Variants in MICU2 observed in about 807,000 individuals in gnomAD.
The protein encoded by MICU2 is mitochondrial calcium uptake 2, also known as calcium uptake protein 2, mitochondrial.
Under a neutral mutation model 60.4 loss-of-function variants are expected in MICU2, and 64 were observed. The observed-to-expected ratio is 1.06, with a 90% confidence interval of 0.87 to 1.31. The LOEUF is 1.31. MICU2 is among the 50% of genes most tolerant of loss of function. The probability of loss-of-function intolerance (pLI) is 0.00; values close to 1 mark genes in which losing one functional copy is unlikely to be tolerated. For missense variants in MICU2, 569 were observed against 531.0 expected (o/e 1.07, Z -0.70); for synonymous variants, 201 against 175.0 (o/e 1.15, Z -1.17).
At chr13:21,539,413 G>A (rs1887222138) in intron 3 of MICU2, 36 bp from the exon 4 acceptor site, 1 of 1,581,078 alleles carries the variant, frequency 6.3e-7, no homozygotes, top group African/African-American at 1.4e-5. Flanking sequence ...ACTTCTAAAA[G>A]TTCATTTTCT....
At chr13:21,499,777 G>A (rs564309517) in intron 9 of MICU2, among the ~76,000 whole-genome samples, 96 of 152,008 alleles carry the variant, frequency 6.3e-4, no homozygotes, top group African/African-American at 2.2e-3. Flanking sequence ...ATATCTTCGA[G>A]GATTTCACAC....
At chr13:21,602,188 A>C (rs146349639) in intron 1 of MICU2, among the ~76,000 whole-genome samples, 3 of 151,750 alleles carry the variant, frequency 2.0e-5, no homozygotes, top group Non-Finnish European at 2.9e-5. Flanking sequence ...CTGTGTGGTT[A>C]AAGTGATACT....
At chr13:21,501,891 G>A (rs1466337294) in intron 9 of MICU2, among the ~76,000 whole-genome samples, 2 of 152,134 alleles carry the variant, frequency 1.3e-5, no homozygotes, top group Admixed American at 1.3e-4. Flanking sequence ...AGACCTCTAT[G>A]CGGACAGAGA....
intron 1 of MICU2, among the ~76,000 whole-genome samples, chr13:21,583,605 T>G (rs1888396859): frequency 6.6e-6 from 1 of 152,174 alleles, no homozygotes; most frequent in Admixed American, 6.5e-5. Context: ...CTGTTTCCTG[T>G]TTTTCCTTTG....
chr13:21,550,432 G>A (rs889562438), intron 2 of MICU2, among the ~76,000 whole-genome samples: 2 of 152,124 alleles, frequency 1.3e-5, no homozygotes, highest in African/African-American at 2.4e-5. Flanking sequence ...CAGCTACTTC[G>A]GAGACTGAGA....
At position 21,522,589 on chromosome 13, in the gene MICU2, T is replaced by C; in HGVS notation, c.514+14A>G. ...ATTCCACATGATCTCTGAGAAAAAC[T>C]GTGGGATACTTACTAGTGAGGATTG... On this transcript the variant is annotated intron_variant, in intron 5 of 11. Transcript: ENST00000382374. The C allele has an allele frequency of 6.3e-7, 1 of 1,584,076 alleles. No individual in the cohort carries two copies. The highest frequency in any genetic ancestry group is 8.6e-7 in the Non-Finnish European group (1 of 1,163,854).
intron 1 of MICU2, among the ~76,000 whole-genome samples, chr13:21,589,605 T>C (rs1004000542): frequency 2.0e-5 from 3 of 152,228 alleles, no homozygotes; most frequent in African/African-American, 7.2e-5. Context: ...AACTTCCTCA[T>C]AAAGCAACCT....
intron 1 of MICU2, among the ~76,000 whole-genome samples, chr13:21,572,666 T>C (rs894639181): frequency 6.6e-6 from 1 of 152,232 alleles, no homozygotes; most frequent in Non-Finnish European, 1.5e-5. Flanking sequence ...CCTTCCCACA[T>C]GCCTAAGGCT....
intron 1 of MICU2, among the ~76,000 whole-genome samples, chr13:21,571,631 G>T (rs1888112141): frequency 6.6e-6 from 1 of 152,344 alleles, no homozygotes; most frequent in South Asian, 2.1e-4. Context: ...CCAGGAGGTG[G>T]AGCTTGCAGT....
At chr13:21,506,144 A>T (rs1886287119) in intron 8 of MICU2, among the ~76,000 whole-genome samples, 1 of 151,332 alleles carries the variant, frequency 6.6e-6, no homozygotes. Flanking sequence ...TCCCTACCTC[A>T]GCCTCCCAAG....
intron 6 of MICU2, among the ~76,000 whole-genome samples, chr13:21,517,529 A>T (rs1053878816): frequency 2.1e-4 from 32 of 152,132 alleles, no homozygotes; most frequent in Admixed American, 1.8e-3. Flanking sequence ...TAATCCCAGC[A>T]CTTTGGGAGG....
chr13:21,548,679 T>C (rs1477469796), intron 2 of MICU2, among the ~76,000 whole-genome samples: 1 of 152,164 alleles, frequency 6.6e-6, no homozygotes, highest in Non-Finnish European at 1.5e-5. Flanking sequence ...TTGACTCCAA[T>C]AAGCCACCCT....
intron 4 of MICU2, among the ~76,000 whole-genome samples, chr13:21,526,113 CTTTTTTTTTTT>C (rs34999871): frequency 9.0e-6 from 1 of 110,574 alleles, no homozygotes; most frequent in African/African-American, 3.4e-5. Context: ...AATTAAAATA[CTTTTTTTTTTT>C]TTTTTTTTTT....
chr13:21,565,853 A>C (rs1887968820), intron 2 of MICU2, among the ~76,000 whole-genome samples: 2 of 152,162 alleles, frequency 1.3e-5, no homozygotes, highest in Non-Finnish European at 2.9e-5. Context: ...ACAAAACCCT[A>C]AACATATTTT....
intron 7 of MICU2, among the ~76,000 whole-genome samples, chr13:21,513,593 TG>T (rs1306880669): frequency 2.0e-5 from 3 of 151,254 alleles, no homozygotes; most frequent in African/African-American, 4.9e-5. Context: ...AAAAATTAGC[TG>T]GGTGTGTGGG....
chr13:21,554,138 A>G (rs1887643620), intron 2 of MICU2, among the ~76,000 whole-genome samples: 1 of 152,214 alleles, frequency 6.6e-6, no homozygotes. Flanking sequence ...CAGAAAGTTA[A>G]TAAGGATATC....
intron 1 of MICU2, among the ~76,000 whole-genome samples, chr13:21,585,954 A>G (rs559693473): frequency 6.6e-6 from 1 of 152,312 alleles, no homozygotes; most frequent in Non-Finnish European, 1.5e-5. Flanking sequence ...AATGCCCAAT[A>G]TATTACTTGT....
chr13:21,494,929 C>T (rs1885955029), intron 11 of MICU2, among the ~76,000 whole-genome samples: 2 of 151,982 alleles, frequency 1.3e-5, no homozygotes, highest in Non-Finnish European at 1.5e-5. Context: ...GTGGTGCGAT[C>T]GTAGCTCACA....
At chr13:21,529,542 A>C (rs1271490988) in intron 4 of MICU2, among the ~76,000 whole-genome samples, 1 of 152,226 alleles carries the variant, frequency 6.6e-6, no homozygotes, top group Non-Finnish European at 1.5e-5. Flanking sequence ...AATTCTATGA[A>C]GTGCCAATGT....
Sources: gnomAD v4.1 joint callset for allele counts (sites outside exome capture counted in the v4.1 genomes callset) on GRCh38, gnomAD v4.1.1 for gene constraint, MANE v1.5 for transcripts, NCBI Gene and HGNC (gene_info 2026-07-23, HGNC 2026-07-21) for gene names.